FGF12: variants seen among roughly 807,000 people sequenced by gnomAD.
The protein encoded by FGF12 is fibroblast growth factor 12B.
Under a neutral mutation model 23.6 loss-of-function variants are expected in FGF12, and 14 were observed. The observed-to-expected ratio is 0.59, with a 90% CI of 0.39 to 0.93. The LOEUF is 0.93. Among genes scored for constraint, FGF12 ranks in the 40% least tolerant of loss-of-function variants. FGF12 has a pLI of 0.00. For missense variants in FGF12, 175 were observed against 217.8 expected, an observed-to-expected ratio of 0.80 and a Z score of 1.24; for synonymous variants, 62 against 77.3, an observed-to-expected ratio of 0.80 and a Z score of 1.04.
chr3:192,671,074 GTACGAAAA>G (rs1717096761), intron 2 of FGF12, among the ~76,000 whole-genome samples: 1 of 152,146 alleles, frequency 6.6e-6, no homozygotes, highest in East Asian at 1.9e-4. Context: ...AATATCGTAA[GTACGAAAA>G]TAGGTTTTCA....
intron 2 of FGF12, among the ~76,000 whole-genome samples, chr3:192,435,813 G>A (rs1234517987): frequency 6.6e-6 from 1 of 152,180 alleles, no homozygotes; most frequent in East Asian, 1.9e-4. Flanking sequence ...CGTTTTCCCA[G>A]TGCAGAGTAA....
At chr3:192,274,099 C>CT (rs886478136) in intron 4 of FGF12, among the ~76,000 whole-genome samples, 61 of 151,876 alleles carry the variant, frequency 4.0e-4, no homozygotes, top group Middle Eastern at 3.4e-3. Context: ...ACTCTATACT[C>CT]TATTTTTAAA....
chr3:192,195,482 CG>C (rs752424963), intron 4 of FGF12, among the ~76,000 whole-genome samples: 2 of 152,118 alleles, frequency 1.3e-5, no homozygotes, highest in Non-Finnish European at 2.9e-5. Flanking sequence ...AAACACTTAC[CG>C]TTATTTACAA....
At chr3:192,146,320 G>C (rs1039045355) in intron 5 of FGF12, among the ~76,000 whole-genome samples, 1 of 147,224 alleles carries the variant, frequency 6.8e-6, no homozygotes, top group African/African-American at 2.6e-5. Context: ...GCCCAGGCTG[G>C]AGTGCTTTGG....
intron 2 of FGF12, among the ~76,000 whole-genome samples, chr3:192,653,214 T>G (rs1265673947): frequency 6.6e-6 from 1 of 152,208 alleles, no homozygotes; most frequent in Admixed American, 6.5e-5. Flanking sequence ...GTAATTCAGT[T>G]TGATAAATGA....
intron 2 of FGF12, among the ~76,000 whole-genome samples, chr3:192,607,506 T>C (rs1413642804): frequency 6.6e-6 from 1 of 152,240 alleles, no homozygotes; most frequent in Non-Finnish European, 1.5e-5. Context: ...TATTACATGC[T>C]GATAGTAGTG....
intron 2 of FGF12, among the ~76,000 whole-genome samples, chr3:192,367,859 G>T (rs553498368): frequency 1.3e-5 from 2 of 152,262 alleles, no homozygotes; most frequent in South Asian, 4.1e-4. Context: ...TTGGTCAAAT[G>T]AAGACGAGAG....
intron 2 of FGF12, among the ~76,000 whole-genome samples, chr3:192,536,223 T>C (rs1725219393): frequency 6.6e-6 from 1 of 152,170 alleles, no homozygotes. Context: ...TGTTTCAGGC[T>C]ACAACCTGAG....
chr3:192,464,703 G>C (rs185302625), intron 2 of FGF12, among the ~76,000 whole-genome samples: 1 of 152,088 alleles, frequency 6.6e-6, no homozygotes, highest in Admixed American at 6.6e-5. Context: ...TTGCTGGACC[G>C]AATGGCAGAA....
chr3:192,512,684 C>G (rs2108840389), intron 2 of FGF12, among the ~76,000 whole-genome samples: 1 of 151,372 alleles, frequency 6.6e-6, no homozygotes, highest in Admixed American at 6.6e-5. Flanking sequence ...TATATTACCT[C>G]TGTCTGTGGA....
intron 2 of FGF12, among the ~76,000 whole-genome samples, chr3:192,371,281 G>A (rs761148165): frequency 4.6e-4 from 70 of 152,320 alleles, no homozygotes; most frequent in Non-Finnish European, 4.6e-4. Flanking sequence ...GGGGAAAGTC[G>A]CGTGGCAGCA....
chr3:192,660,925 C>A (rs925313082), intron 2 of FGF12, among the ~76,000 whole-genome samples: 1 of 151,578 alleles, frequency 6.6e-6, no homozygotes. Context: ...TGGACACATG[C>A]TATAAAATTG....
intron 2 of FGF12, among the ~76,000 whole-genome samples, chr3:192,637,678 C>T (rs1230482547): frequency 2.6e-5 from 4 of 152,048 alleles, no homozygotes; most frequent in African/African-American, 4.8e-5. Flanking sequence ...TCTTTTGAGT[C>T]ACAGAATAGA....
At chr3:192,181,970 GA>G (rs978612655) in intron 4 of FGF12, among the ~76,000 whole-genome samples, 236 of 150,094 alleles carry the variant, frequency 1.6e-3, no homozygotes, top group Middle Eastern at 3.4e-3. Flanking sequence ...ATATCTCAAT[GA>G]AAAAAAAGAA....
chr3:192,167,087 A>G (rs1715201166), intron 5 of FGF12, among the ~76,000 whole-genome samples: 1 of 151,776 alleles, frequency 6.6e-6, no homozygotes, highest in Admixed American at 6.6e-5. Context: ...GGAAGCCTGA[A>G]GCAGAGTTTT....
chr3:192,451,120 T>C (rs529227653), intron 2 of FGF12, among the ~76,000 whole-genome samples: 1 of 152,366 alleles, frequency 6.6e-6, no homozygotes, highest in African/African-American at 2.4e-5. Context: ...TAAGTTACTC[T>C]GGGACAAGAA....
chr3:192,378,021 C>CTTTCT (rs773655231), intron 2 of FGF12, among the ~76,000 whole-genome samples: 5 of 71,246 alleles, frequency 7.0e-5, no homozygotes, highest in Admixed American at 3.9e-4. Context: ...TCTTCTGACT[C>CTTTCT]TTTCTTTTCT....
chr3:192,194,849 A>G (rs1300987464), intron 4 of FGF12, among the ~76,000 whole-genome samples: 2 of 152,226 alleles, frequency 1.3e-5, no homozygotes, highest in Admixed American at 6.5e-5. Context: ...AAAAAATTAA[A>G]ATACAGTGCA....
rs997500553 is a variant in FGF12 at position 192,677,659 on chromosome 3, G to A, written c.13+49522C>T. On this transcript the variant is annotated intron_variant, in intron 2 of 5. Coordinates refer to ENST00000445105, the MANE Select transcript of FGF12 (RefSeq NM_004113.6). ...TTCTATGCCTGAGCAGAATGCTTTG[G>A]CACCAATGGACGCAATGTGACCTCA... Among the ~76,000 whole-genome samples the A allele has an allele frequency of 6.6e-5, 10 of 152,266 alleles. No individual in the cohort carries two copies. In the East Asian group the frequency reaches 1.9e-3, roughly 29 times the overall value.
Sources: allele counts gnomAD v4.1 joint callset (sites outside exome capture counted in the v4.1 genomes callset), GRCh38; gene constraint gnomAD v4.1.1; transcripts MANE v1.5; gene names NCBI Gene and HGNC (gene_info 2026-07-23, HGNC 2026-07-21).